The following PCNX3 variants were observed in gnomAD, a reference collection of about 807,000 sequenced individuals.
PCNX3 encodes the protein pecanex 3.
A neutral mutation model predicts 207.2 loss-of-function variants in PCNX3; 58 were observed. That is an observed-to-expected ratio of 0.28 (90% CI 0.23 to 0.35). The LOEUF (loss-of-function observed/expected upper bound fraction) is 0.35, where lower values mean the gene tolerates loss of function less well. Among genes scored for constraint, PCNX3 ranks in the 10% least tolerant of loss-of-function variants. PCNX3 has a pLI of 1.00. For missense variants in PCNX3, 2,410 were observed against 2,774.4 expected, an observed-to-expected ratio of 0.87 and a Z score of 2.95; for synonymous variants, 1,337 against 1,183.5, an observed-to-expected ratio of 1.13 and a Z score of -2.66.
At chr11:65,620,718 C>A in intron 9 of PCNX3, 113 bp from the exon 10 acceptor site, 1 of 1,413,474 alleles carries the variant, frequency 7.1e-7, no homozygotes. Context: ...CCCTTGAGCC[C>A]TGGTTGGTCT....
intron 10 of PCNX3, 171 bp from the exon 11 acceptor site, chr11:65,622,074 G>C: frequency 1.3e-6 from 1 of 787,662 alleles, no homozygotes; most frequent in Non-Finnish European, 1.5e-6. Context: ...GTTCTGGTGG[G>C]GTCCAGGGCC....
intron 1 of PCNX3, 148 bp from the exon 2 acceptor site, chr11:65,616,675 GC>G: frequency 1.0e-6 from 1 of 1,001,942 alleles, no homozygotes; most frequent in African/African-American, 1.6e-5. Flanking sequence ...AGAATACAGA[GC>G]CCTTTGTCGA....
At position 65,615,807 on chromosome 11, in the gene PCNX3, C is replaced by T. The variant is rs984317911; in HGVS notation, c.-505C>T. 1.3e-5 allele frequency: 2 copies of T among 152,172 alleles called. No individual in the cohort carries two copies. Among genetic ancestry groups the T allele is most frequent in the African/African-American group, 4.8e-5 (2 of 41,416 alleles). 9.4% of individuals were successfully genotyped at this position (152,172 alleles called of 1,614,324 possible). On this transcript the variant is annotated 5_prime_UTR_variant, in exon 1 of 35. Coordinates refer to ENST00000355703, the MANE Select transcript of PCNX3 (RefSeq NM_032223.4). ...GCCACTGCAGGCTGGCGGTTCGCGG[C>T]TCCTTCTTCCGGCCTCCTCCTTAGG... is the stretch of plus-strand genomic sequence containing the variant.
At chr11:65,627,747 A>G (rs1266539474) in intron 22 of PCNX3, among the ~76,000 whole-genome samples, 165 bp downstream of exon 22, 1 of 152,024 alleles carries the variant, frequency 6.6e-6, no homozygotes, top group African/African-American at 2.4e-5. Flanking sequence ...TCCACCCTCT[A>G]CAGAGAGGAA....
chr11:65,626,703 C>T, intron 20 of PCNX3: 1 of 664,660 alleles, frequency 1.5e-6, no homozygotes, highest in South Asian at 1.9e-5. Flanking sequence ...TGCCATAAAG[C>T]AAGCCTCGAT....
Position 65,618,614 on chromosome 11 carries a change from T to G in PCNX3, c.1252T>G (p.Phe418Val), listed in dbSNP as rs747553734. Residue 418 changes from phenylalanine to valine, a missense_variant, in exon 6 of 35, where the codon TTC becomes GTC. Transcript: ENST00000355703. ...ACGGCCCCTGCTTGAAGGTGGGGGC[T>G]TCTTTGAGGATGAAGACACTAGTGA... ...PRRPLLEGGGFFEDEDTSEGS... is the reference protein window; with the variant it reads ...PRRPLLEGGGVFEDEDTSEGS... 3.1e-6 allele frequency: 5 copies of G among 1,612,638 alleles called. No individual in the cohort carries two copies. The highest frequency in any genetic ancestry group is 8.5e-7 in the Non-Finnish European group (1 of 1,179,800).
chr11:65,617,150 G>A, intron 2 of PCNX3, 100 bp from the exon 3 acceptor site: 1 of 1,408,126 alleles, frequency 7.1e-7, no homozygotes, highest in Non-Finnish European at 9.7e-7. Flanking sequence ...CCCTGGAATT[G>A]TAAAGTGACT....
chr11:65,634,176 C>T lies in PCNX3; in HGVS notation c.4521C>T (p.Ser1507=), dbSNP rs1296863931. The T allele has an allele frequency of 2.5e-6, 4 of 1,613,528 alleles. No individual in the cohort carries two copies. In the East Asian group the frequency reaches 6.7e-5, roughly 27 times the overall value. Residue 1507 remains serine (S), a synonymous_variant, in exon 28 of 35, where the codon AGC becomes AGT. Transcript: ENST00000355703. ...SRSPKLEVWL[S]HEGITAALRP... ...CACCAAAGCTGGAGGTGTGGCTCAG[C>T]CATGAGGGCATCACGGCAGCCCTGA...
intron 27 of PCNX3, among the ~76,000 whole-genome samples, chr11:65,633,608 C>T (rs1855706100): frequency 6.6e-6 from 1 of 152,244 alleles, no homozygotes; most frequent in African/African-American, 2.4e-5. Context: ...GGAACACCAG[C>T]TCCTGCTGCT....
intron 11 of PCNX3, among the ~76,000 whole-genome samples, chr11:65,622,601 A>C (rs1055341932): frequency 6.6e-6 from 1 of 152,086 alleles, no homozygotes; most frequent in Non-Finnish European, 1.5e-5. Flanking sequence ...TCCTGCTGAA[A>C]AAAACTTTTT....
chr11:65,616,903 A>G lies in PCNX3; in HGVS notation c.233A>G (p.Asn78Ser), dbSNP rs373996709. Residue 78 changes from asparagine (N) to serine (S), a missense_variant, in exon 2 of 35, where the codon AAT becomes AGT. Around this residue, in one of 8 missense-constraint regions of PCNX3, gnomAD observed 1,104 missense variants for 970.3 expected, o/e 1.14. Transcript: ENST00000355703. ...ATCTTTGCTACTATCAAGACTGTCA[A>G]TTATCGGCTTCATGCCATGTTTGAC... ...AVIFATIKTV[N>S]YRLHAMFDQG... 2.4e-5 allele frequency: 38 copies of G among 1,613,524 alleles called. No homozygotes were observed. The highest frequency in any genetic ancestry group is 3.3e-4 in the Middle Eastern group (2 of 6,084).
Position 65,624,964 on chromosome 11 carries a change from G to A in PCNX3, c.2867G>A (p.Arg956His), listed in dbSNP as rs1222276859. ...CTCACGGCAGTCTTCAGCCTCTCCC[G>A]CAGCCTGCTGGCTGCTGCCCTGCTC... is the stretch of plus-strand genomic sequence containing the variant. ...SPLTAVFSLS[R>H]SLLAAALLYG... is the part of the protein sequence containing the mutation. The change falls in exon 16 of 35, where the codon CGC becomes CAC. Residue 956 changes from arginine to histidine, a missense_variant. Physicochemically the swap from Arg to His is conservative, Grantham distance 29 (BLOSUM62 0). Around this residue, in one of 8 missense-constraint regions of PCNX3, gnomAD observed 333 missense variants for 386.8 expected, o/e 0.86. Transcript: ENST00000355703. The A allele has an allele frequency of 6.2e-7, 1 of 1,612,222 alleles. No homozygotes were observed. Among genetic ancestry groups the A allele is most frequent in the Non-Finnish European group, 8.5e-7 (1 of 1,179,450 alleles).
chr11:65,631,118 C>G (rs532673683), intron 27 of PCNX3, among the ~76,000 whole-genome samples: 21 of 152,298 alleles, frequency 1.4e-4, no homozygotes, highest in African/African-American at 4.3e-4. Flanking sequence ...AGAAAATGGC[C>G]AAGCCAGGCC....
chr11:65,625,942 C>G lies in PCNX3; in HGVS notation c.3267C>G (p.Ala1089=). ...TCGTGTTGTACGCACTGGCTGGGGC[C>G]GTGGGCTTCTTCACACATTACCTGC... is the stretch of plus-strand genomic sequence containing the variant. ...LGFVLYALAG[A]VGFFTHYLLP... Residue 1089 remains alanine, a synonymous_variant, in exon 20 of 35, where the codon GCC becomes GCG. Coordinates refer to ENST00000355703, the MANE Select transcript of PCNX3 (RefSeq NM_032223.4). This position sits in a 1 kb window ranked among gnomAD's most constrained non-coding sequence, Gnocchi z 5.6. 6.2e-7 allele frequency: 1 copy of G among 1,613,894 alleles called. No homozygotes were observed. Among genetic ancestry groups the G allele is most frequent in the Non-Finnish European group, 8.5e-7 (1 of 1,179,878 alleles).
chr11:65,633,313 A>G (rs1855689489), intron 27 of PCNX3, among the ~76,000 whole-genome samples: 1 of 152,250 alleles, frequency 6.6e-6, no homozygotes, highest in Non-Finnish European at 1.5e-5. Context: ...CAAGAGGTCC[A>G]GGAGCCCCCA....
In PCNX3 at chr11:65,617,316, C is replaced by T; in HGVS notation, c.408C>T (p.Ser136=). ...VSSTPPVRCS[S]QHSVFGFNQV... ...CCACACCCCCGGTGCGCTGCAGCTC[C>T]CAGCACTCTGTGTTTGGCTTCAACC... The change falls in exon 3 of 35, where the codon TCC becomes TCT. Residue 136 remains serine, a synonymous_variant. Transcript: ENST00000355703. 1 of 1,612,684 alleles carries T rather than the reference C, an allele frequency of 6.2e-7. No homozygotes were observed. The highest frequency in any genetic ancestry group is 8.5e-7 in the Non-Finnish European group (1 of 1,179,424).
chr11:65,628,516 T>C, intron 22 of PCNX3, 79 bp from the exon 23 acceptor site: 6 of 1,386,892 alleles, frequency 4.3e-6, no homozygotes, highest in Non-Finnish European at 6.0e-6. Flanking sequence ...GACCCAAGCC[T>C]CTGAATGGGG....
At position 65,626,041 on chromosome 11, in the gene PCNX3, G is replaced by C; in HGVS notation, c.3366G>C (p.Gln1122His). 1 of 1,608,444 alleles carries C rather than the reference G, an allele frequency of 6.2e-7. No individual in the cohort carries two copies. Among genetic ancestry groups the C allele is most frequent in the Admixed American group, 1.7e-5 (1 of 59,164 alleles). ...TGCTGAAGCCGCTGGAGTACAGCCA[G>C]TATGAAGTGCGCGGTGAGTGCCCAC... Reference protein sequence around the residue: ...QPVLKPLEYSQYEVRGAAQVM... With the variant: ...QPVLKPLEYSHYEVRGAAQVM... Residue 1122 changes from glutamine to histidine, a missense_variant, in exon 20 of 35, where the codon CAG becomes CAC. Around this residue, in one of 8 missense-constraint regions of PCNX3, gnomAD observed 333 missense variants for 386.8 expected, o/e 0.86. Coordinates refer to ENST00000355703, the MANE Select transcript of PCNX3 (RefSeq NM_032223.4).
rs762584614 is a variant in PCNX3 at position 65,625,537 on chromosome 11, T to TG, written c.3135+31dup. On this transcript the variant is annotated intron_variant, in intron 18 of 34. Transcript: ENST00000355703. The surrounding 1 kb of genome is among the most constrained non-coding windows in gnomAD (Gnocchi z 5.6). Reference sequence around the variant, plus strand: ...TGAGGGGGCGGGGGGTGGGGGTCTGTGGGGAGGTGGTGACAGGTCCTGGGG... The same window carrying TG: ...TGAGGGGGCGGGGGGTGGGGGTCTGTGGGGGAGGTGGTGACAGGTCCTGGGG... The TG allele has an allele frequency of 5.0e-6, 7 of 1,408,720 alleles. No homozygotes were observed. Among genetic ancestry groups the TG allele is most frequent in the Non-Finnish European group, 6.7e-6 (7 of 1,043,964 alleles). The allele number at this position is 1,408,720 out of a possible 1,614,324, so 87.3% of individuals were successfully genotyped here. A position where few individuals can be genotyped will look rare whatever the true frequency, so the allele number is the denominator to read the frequency against.
Sources: gnomAD v4.1 joint callset for allele counts (sites outside exome capture counted in the v4.1 genomes callset) on GRCh38, gnomAD v4.1.1 for gene constraint, gnomAD v4.1.1 regional missense constraint, Gnocchi (gnomAD v3.1) non-coding constraint, MANE v1.5 for transcripts, NCBI Gene and HGNC (gene_info 2026-07-23, HGNC 2026-07-21) for gene names.